Variants in GRIN2B observed in about 807,000 individuals in gnomAD.
The protein encoded by GRIN2B is glutamate ionotropic receptor NMDA type subunit 2B.
In GRIN2B, 5 loss-of-function variants were observed where a neutral mutation model predicts 114.5. The ratio of observed to expected loss-of-function variants is 0.04; its 90% CI spans 0.02 to 0.09. The LOEUF is 0.09. Ranked by LOEUF, GRIN2B falls within the 10% of genes least tolerant of loss-of-function variation. The probability of loss-of-function intolerance (pLI) is 1.00; values close to 1 mark genes in which losing one functional copy is unlikely to be tolerated. For missense variants in GRIN2B, 1,108 were observed against 1,943.5 expected (o/e 0.57, Z 8.08); for synonymous variants, 787 against 745.1 (o/e 1.06, Z -0.92).
intron 2 of GRIN2B, among the ~76,000 whole-genome samples, chr12:13,884,113 T>G (rs1866113568): frequency 6.6e-6 from 1 of 152,192 alleles, no homozygotes; most frequent in African/African-American, 2.4e-5. Context: ...TGTGGACTCT[T>G]TTATGCTATT....
chr12:13,641,245 T>C (rs1271143425), intron 5 of GRIN2B, among the ~76,000 whole-genome samples: 3 of 152,040 alleles, frequency 2.0e-5, no homozygotes, highest in African/African-American at 2.4e-5. Context: ...CTAATTTTTG[T>C]ATTTTTAGTA....
At chr12:13,726,547 A>G (rs1221733136) in intron 4 of GRIN2B, among the ~76,000 whole-genome samples, 1 of 147,598 alleles carries the variant, frequency 6.8e-6, no homozygotes, top group East Asian at 2.0e-4. Flanking sequence ...AAAAGAAAGA[A>G]ATATATATAT....
chr12:13,609,408 A>C (rs1049240576), intron 9 of GRIN2B, among the ~76,000 whole-genome samples: 1 of 152,142 alleles, frequency 6.6e-6, no homozygotes, highest in African/African-American at 2.4e-5. Flanking sequence ...TCAATGTTTC[A>C]AAGACAACCC....
intron 3 of GRIN2B, among the ~76,000 whole-genome samples, chr12:13,814,422 T>C (rs1370039150): frequency 2.0e-5 from 3 of 152,176 alleles, no homozygotes; most frequent in African/African-American, 7.2e-5. Flanking sequence ...TTTTATATGT[T>C]TTAGGACTTA....
At chr12:13,647,703 G>A (rs1949774651) in intron 5 of GRIN2B, among the ~76,000 whole-genome samples, 1 of 152,016 alleles carries the variant, frequency 6.6e-6, no homozygotes, top group South Asian at 2.1e-4. Context: ...GCATTGAAGA[G>A]AGGTCCACAC....
At chr12:13,786,929 G>T (rs1047072738) in intron 3 of GRIN2B, among the ~76,000 whole-genome samples, 5 of 151,814 alleles carry the variant, frequency 3.3e-5, no homozygotes, top group African/African-American at 1.2e-4. Flanking sequence ...CTGCACAAAG[G>T]AGGGACAATA....
intron 3 of GRIN2B, among the ~76,000 whole-genome samples, chr12:13,846,931 C>T (rs975093921): frequency 6.6e-6 from 1 of 151,710 alleles, no homozygotes; most frequent in Non-Finnish European, 1.5e-5. Context: ...GACCCAGGAG[C>T]GAGAGAGAAA....
intron 5 of GRIN2B, among the ~76,000 whole-genome samples, chr12:13,627,202 A>G (rs147391296): frequency 1.7e-3 from 258 of 152,236 alleles, no homozygotes; most frequent in African/African-American, 5.9e-3. Flanking sequence ...GATATATGAC[A>G]GCATCAGAGT....
chr12:13,620,439 A>T (rs746126738), intron 5 of GRIN2B, among the ~76,000 whole-genome samples: 4 of 152,138 alleles, frequency 2.6e-5, no homozygotes, highest in Admixed American at 6.6e-5. Flanking sequence ...TGAAGTTGGC[A>T]AACACTATCA....
intron 4 of GRIN2B, among the ~76,000 whole-genome samples, chr12:13,682,702 C>A (rs900031621): frequency 2.0e-5 from 3 of 152,056 alleles, no homozygotes; most frequent in African/African-American, 7.2e-5. Flanking sequence ...ATTTAATATA[C>A]CTCTTATCTC....
intron 3 of GRIN2B, among the ~76,000 whole-genome samples, chr12:13,768,451 A>G (rs1863841208): frequency 6.6e-6 from 1 of 152,228 alleles, no homozygotes; most frequent in Non-Finnish European, 1.5e-5. Context: ...CTGTGAAGTA[A>G]TGAGGAAGCA....
At chr12:13,878,221 A>G (rs1866020368) in intron 2 of GRIN2B, among the ~76,000 whole-genome samples, 1 of 152,208 alleles carries the variant, frequency 6.6e-6, no homozygotes, top group African/African-American at 2.4e-5. Context: ...GAGTAGGAAC[A>G]AGACCAAGAC....
chr12:13,585,506 T>C (rs1591621553), intron 10 of GRIN2B, among the ~76,000 whole-genome samples: 1 of 152,166 alleles, frequency 6.6e-6, no homozygotes, highest in Non-Finnish European at 1.5e-5. Context: ...GGAATGTTAG[T>C]ATTGGGATGC....
rs540188803 is a variant in GRIN2B at position 13,918,197 on chromosome 12, T to C, written c.-18-51971A>G. ...GACCTTAATTTTCTAACCTGTAAAA[T>C]GGGAATAGTAATACCTCACAAGATT... On this transcript the variant is annotated intron_variant, in intron 2 of 13. Transcript: ENST00000609686. 9.0e-4 allele frequency among the ~76,000 whole-genome samples: 137 copies of C among 152,312 alleles called. 1 individual carries two copies. Among genetic ancestry groups the C allele is most frequent in the African/African-American group, 3.1e-3 (129 of 41,564 alleles).
At chr12:13,701,539 A>C (rs963188479) in intron 4 of GRIN2B, among the ~76,000 whole-genome samples, 8 of 151,982 alleles carry the variant, frequency 5.3e-5, no homozygotes, top group South Asian at 2.1e-4. Context: ...AGAAAAAAAA[A>C]CAGACAGTTC....
At chr12:13,904,486 T>C (rs1029327636) in intron 2 of GRIN2B, among the ~76,000 whole-genome samples, 1 of 152,088 alleles carries the variant, frequency 6.6e-6, no homozygotes, top group South Asian at 2.1e-4. Flanking sequence ...TTTCTTACTT[T>C]TAATTGCATC....
intron 2 of GRIN2B, among the ~76,000 whole-genome samples, chr12:13,911,764 G>A (rs76554933): frequency 0.051 from 7,815 of 152,196 alleles, 281 homozygotes; most frequent in Non-Finnish European, 0.076. Flanking sequence ...GTGGATGACC[G>A]CAGACACATA....
chr12:13,888,564 T>C (rs112101716), intron 2 of GRIN2B, among the ~76,000 whole-genome samples: 19,563 of 151,564 alleles, frequency 0.13, 1,662 homozygotes, highest in Middle Eastern at 0.26. Flanking sequence ...TGAAAACCCG[T>C]CTCTACTAAA....
At chr12:13,873,248 T>C (rs1207585401) in intron 2 of GRIN2B, among the ~76,000 whole-genome samples, 1 of 152,242 alleles carries the variant, frequency 6.6e-6, no homozygotes, top group African/African-American at 2.4e-5. Context: ...AGAAGTGATC[T>C]TGACTCAGAA....
Sources: gnomAD v4.1 joint callset for allele counts (sites outside exome capture counted in the v4.1 genomes callset) on GRCh38, gnomAD v4.1.1 for gene constraint, MANE v1.5 for transcripts, NCBI Gene and HGNC (gene_info 2026-07-23, HGNC 2026-07-21) for gene names.